Variants in SND1 observed in about 807,000 individuals in gnomAD.
SND1 encodes staphylococcal nuclease domain-containing protein 1.
Under a neutral mutation model 121.7 loss-of-function variants are expected in SND1, and 38 were observed. The ratio of observed to expected loss-of-function variants is 0.31; its 90% CI spans 0.24 to 0.41. The LOEUF (loss-of-function observed/expected upper bound fraction) is 0.41. Among genes scored for constraint, SND1 ranks in the 10% least tolerant of loss-of-function variants. The pLI, the probability that SND1 is intolerant of heterozygous loss-of-function variation, is 1.00. For missense variants in SND1, 868 were observed against 1,184.6 expected (o/e 0.73, Z 3.92); for synonymous variants, 401 against 447.4 (o/e 0.90, Z 1.31).
At chr7:127,849,325 T>C (rs919620582) in intron 12 of SND1, among the ~76,000 whole-genome samples, 5 of 152,246 alleles carry the variant, frequency 3.3e-5, no homozygotes, top group Non-Finnish European at 7.3e-5. Context: ...CCTTTCCCTG[T>C]GCTGGACTTC....
intron 10 of SND1, among the ~76,000 whole-genome samples, chr7:127,763,341 C>A (rs1353578154): frequency 6.6e-6 from 1 of 152,040 alleles, no homozygotes; most frequent in Admixed American, 6.6e-5. Flanking sequence ...CATATATATA[C>A]ATTCAGTCAA....
At chr7:127,959,154 T>C (rs536040624) in intron 15 of SND1, among the ~76,000 whole-genome samples, 51 of 152,292 alleles carry the variant, frequency 3.3e-4, no homozygotes, top group African/African-American at 1.2e-3. Context: ...CTCCCAAGCT[T>C]TCCCAGGCAT....
intron 12 of SND1, among the ~76,000 whole-genome samples, chr7:127,859,122 A>G (rs921875265): frequency 6.6e-6 from 1 of 151,926 alleles, no homozygotes; most frequent in African/African-American, 2.4e-5. Flanking sequence ...ATGTGTTTGC[A>G]TGGGGGGGTG....
intron 11 of SND1, among the ~76,000 whole-genome samples, chr7:127,842,367 G>A (rs1214543857): frequency 2.0e-5 from 3 of 152,136 alleles, no homozygotes; most frequent in Non-Finnish European, 4.4e-5. Flanking sequence ...GTTTGCTACA[G>A]GATACTATGT....
At chr7:127,709,831 G>T (rs189431988) in intron 9 of SND1, among the ~76,000 whole-genome samples, 149 of 152,214 alleles carry the variant, frequency 9.8e-4, no homozygotes, top group African/African-American at 3.3e-3. Context: ...GTACACGTCC[G>T]CTTAGAGGGT....
intron 1 of SND1, among the ~76,000 whole-genome samples, chr7:127,659,197 C>T (rs1795266533): frequency 6.6e-6 from 1 of 152,084 alleles, no homozygotes; most frequent in Non-Finnish European, 1.5e-5. Context: ...ATGCTTTTTG[C>T]TTTTACAGCA....
At chr7:127,891,995 C>A (rs1800017572) in intron 13 of SND1, among the ~76,000 whole-genome samples, 1 of 152,138 alleles carries the variant, frequency 6.6e-6, no homozygotes, top group Non-Finnish European at 1.5e-5. Flanking sequence ...CTGCTCTGTT[C>A]CTCCCTACCA....
intron 13 of SND1, among the ~76,000 whole-genome samples, chr7:127,890,268 G>A (rs948295367): frequency 9.9e-5 from 15 of 152,084 alleles, no homozygotes; most frequent in African/African-American, 3.6e-4. Flanking sequence ...GCATTTCTCT[G>A]ATGATCAGTG....
chr7:127,966,260 T>G (rs566988323), intron 15 of SND1, among the ~76,000 whole-genome samples: 4 of 151,804 alleles, frequency 2.6e-5, no homozygotes, highest in Admixed American at 6.6e-5. Flanking sequence ...AATGGGATAC[T>G]TTAACACCCC....
intron 16 of SND1, among the ~76,000 whole-genome samples, chr7:127,991,461 C>T (rs150462533): frequency 2.6e-5 from 4 of 152,280 alleles, no homozygotes; most frequent in South Asian, 4.1e-4. Flanking sequence ...TTTTCTGTAG[C>T]GGGTTTTCTG....
At chr7:127,945,945 C>T (rs998498072) in intron 15 of SND1, among the ~76,000 whole-genome samples, 5 of 152,178 alleles carry the variant, frequency 3.3e-5, no homozygotes, top group African/African-American at 9.7e-5. Flanking sequence ...TCATTTAGAA[C>T]GCAATGCCCT....
chr7:127,808,329 A>G (rs1390209307), intron 11 of SND1, among the ~76,000 whole-genome samples: 2 of 151,814 alleles, frequency 1.3e-5, no homozygotes, highest in African/African-American at 4.8e-5. Flanking sequence ...CGCCTGGCTA[A>G]TTTTTGTATT....
At chr7:127,981,575 C>T (rs1429148556) in intron 15 of SND1, among the ~76,000 whole-genome samples, 1 of 152,046 alleles carries the variant, frequency 6.6e-6, no homozygotes, top group African/African-American at 2.4e-5. Flanking sequence ...TCTTGCTTTG[C>T]AATGGGGAGA....
At chr7:127,905,181 A>G (rs188449262) in intron 14 of SND1, among the ~76,000 whole-genome samples, 1 of 152,284 alleles carries the variant, frequency 6.6e-6, no homozygotes, top group Admixed American at 6.5e-5. Context: ...CTTAGTAGCA[A>G]AAGGTCAAGT....
At chr7:127,913,345 G>A (rs1416766504) in intron 14 of SND1, among the ~76,000 whole-genome samples, 1 of 152,178 alleles carries the variant, frequency 6.6e-6, no homozygotes, top group Non-Finnish European at 1.5e-5. Flanking sequence ...AATGCACTCA[G>A]CATTTGCAAC....
chr7:127,947,833 G>T (rs1394525888), intron 15 of SND1, among the ~76,000 whole-genome samples: 1 of 152,112 alleles, frequency 6.6e-6, no homozygotes, highest in East Asian at 1.9e-4. Flanking sequence ...ACTCAGCTCT[G>T]TTTTCCCACC....
chr7:128,032,406 G>A (rs1792653550), intron 16 of SND1, among the ~76,000 whole-genome samples: 1 of 151,584 alleles, frequency 6.6e-6, no homozygotes, highest in Admixed American at 6.6e-5. Context: ...CGGAGTGAGC[G>A]TCAAGTGAGG....
At chr7:128,005,395 CCAGA>C (rs1377120178) in intron 16 of SND1, among the ~76,000 whole-genome samples, 29 of 152,356 alleles carry the variant, frequency 1.9e-4, no homozygotes, top group Non-Finnish European at 2.9e-4. Flanking sequence ...CTTACACCGC[CCAGA>C]CAGTCTTTCA....
Position 127,825,411 on chromosome 7 carries a change from C to CT in SND1, c.1242+17851dup, listed in dbSNP as rs746245449. Among the ~76,000 whole-genome samples, 283 of 139,104 alleles carry CT rather than the reference C, an allele frequency of 2.0e-3. 1 individual carries two copies. Among genetic ancestry groups the CT allele is most frequent in the African/African-American group, 5.3e-3 (201 of 37,922 alleles). 91.3% of individuals were successfully genotyped at this position (139,104 alleles called of 152,430 possible). A position where few individuals can be genotyped will look rare whatever the true frequency, so the allele number is the denominator to read the frequency against. On this transcript the variant is annotated intron_variant, in intron 11 of 23. Coordinates refer to ENST00000354725, the MANE Select transcript of SND1 (RefSeq NM_014390.4). The stretch of plus-strand genomic sequence containing the variant: ...GGCGTGAGCCACTGCTCCTGGCCAC[C>CT]TTTTTTTTTTTTTGAAACTGAATTT...
Sources: gnomAD v4.1 joint callset for allele counts (sites outside exome capture counted in the v4.1 genomes callset) on GRCh38, gnomAD v4.1.1 for gene constraint, MANE v1.5 for transcripts, NCBI Gene and HGNC (gene_info 2026-07-23, HGNC 2026-07-21) for gene names.